CDH7: variants seen among roughly 807,000 people sequenced by gnomAD.
The protein encoded by CDH7 is cadherin 7, also known as cadherin-7.
Under a neutral mutation model 71.8 loss-of-function variants are expected in CDH7, and 25 were observed. The observed-to-expected ratio is 0.35, with a 90% CI of 0.25 to 0.49. CDH7 has a LOEUF of 0.49. Ranked by LOEUF, CDH7 falls within the 20% of genes least tolerant of loss-of-function variation. CDH7 has a pLI of 0.99. For synonymous variants in CDH7, 381 were observed against 363.8 expected (o/e 1.05, Z -0.54); for missense variants, 862 against 974.6 (o/e 0.88, Z 1.54).
chr18:65,861,417 A>T (rs868130700), intron 10 of CDH7, among the ~76,000 whole-genome samples: 17 of 114,876 alleles, frequency 1.5e-4, no homozygotes, highest in African/African-American at 1.1e-3. Flanking sequence ...AACTTTTTGT[A>T]TCAAGTCATA....
At chr18:65,801,053 T>C (rs1028871460) in intron 2 of CDH7, among the ~76,000 whole-genome samples, 8 of 152,188 alleles carry the variant, frequency 5.3e-5, no homozygotes, top group African/African-American at 1.9e-4. Context: ...AAAATTACAA[T>C]TATTTGTTCA....
In CDH7 at chr18:65,791,050, T is replaced by G. The variant is rs531907115; in HGVS notation, c.211-18654T>G. ...GGCTTTCAAAAATGTAAAAAGTGTT[T>G]AACTTAAAGATTTCGTGAATATTTT... is the stretch of plus-strand genomic sequence containing the variant. On this transcript the variant is annotated intron_variant, in intron 2 of 11. Transcript: ENST00000397968. Among the ~76,000 whole-genome samples, 4 of 152,348 alleles carry G rather than the reference T, an allele frequency of 2.6e-5. No homozygotes were observed. The East Asian group carries it at 7.7e-4, about 29-fold the overall frequency.
At chr18:65,763,568 T>C in intron 2 of CDH7, among the ~76,000 whole-genome samples, 1 of 150,726 alleles carries the variant, frequency 6.6e-6, no homozygotes, top group South Asian at 2.1e-4. Flanking sequence ...AACCCACTTT[T>C]CTTAGCAGTC....
chr18:65,824,048 C>A (rs1479175431), intron 5 of CDH7, among the ~76,000 whole-genome samples: 1 of 106,544 alleles, frequency 9.4e-6, no homozygotes, highest in Non-Finnish European at 2.1e-5. Flanking sequence ...TTTTTTTTTT[C>A]AGTTCAACTA....
chr18:65,778,549 T>TTTTTTTTTTA (rs1267851629), intron 2 of CDH7, among the ~76,000 whole-genome samples: 1 of 146,802 alleles, frequency 6.8e-6, no homozygotes, highest in African/African-American at 2.6e-5. Context: ...TTTTTTTTTT[T>TTTTTTTTTTA]ACATAAAAAT....
chr18:65,799,781 A>T (rs945503499), intron 2 of CDH7, among the ~76,000 whole-genome samples: 7 of 152,110 alleles, frequency 4.6e-5, no homozygotes, highest in Non-Finnish European at 1.0e-4. Context: ...ATACTCCCCA[A>T]ATTAGCTTCT....
chr18:65,793,122 CA>C (rs1910772579), intron 2 of CDH7, among the ~76,000 whole-genome samples: 1 of 152,078 alleles, frequency 6.6e-6, no homozygotes, highest in Non-Finnish European at 1.5e-5. Flanking sequence ...GTTTATGAAA[CA>C]TTTTTTTTCT....
At chr18:65,766,397 C>A (rs1477961343) in intron 2 of CDH7, among the ~76,000 whole-genome samples, 1 of 152,056 alleles carries the variant, frequency 6.6e-6, no homozygotes, top group Non-Finnish European at 1.5e-5. Flanking sequence ...TACTGAGTTG[C>A]TTTTTACATA....
chr18:65,767,158 C>T (rs1022365112), intron 2 of CDH7, among the ~76,000 whole-genome samples: 4 of 149,672 alleles, frequency 2.7e-5, no homozygotes, highest in African/African-American at 9.9e-5. Flanking sequence ...ATACCTATTA[C>T]CCCAGTAGAA....
intron 6 of CDH7, among the ~76,000 whole-genome samples, chr18:65,834,615 G>A (rs921850883): frequency 1.3e-5 from 2 of 152,178 alleles, no homozygotes; most frequent in Admixed American, 1.3e-4. Flanking sequence ...ATGAATAGAA[G>A]AAATTGCATA....
rs901599930 is a variant in CDH7, at chr18:65,888,225, G to A, written c.*7331G>A. On this transcript the variant is annotated 3_prime_UTR_variant, in exon 12 of 12. Transcript: ENST00000397968. ...TACTGTTTCAGAACTAACCAGCGAA[G>A]AGATGTATACAAAGTGTACTCTGAA... The A allele has an allele frequency of 1.8e-4, 27 of 152,130 alleles. No homozygotes were observed. The highest frequency in any genetic ancestry group is 6.3e-4 in the African/African-American group (26 of 41,416). The allele number at this position is 152,130 out of a possible 1,614,324, so 9.4% of individuals were successfully genotyped here.
intron 2 of CDH7, among the ~76,000 whole-genome samples, chr18:65,769,898 G>A (rs950646961): frequency 2.0e-5 from 3 of 152,116 alleles, no homozygotes; most frequent in Non-Finnish European, 4.4e-5. Flanking sequence ...TAATGATGTT[G>A]AATTTGATCC....
At chr18:65,830,007 T>C (rs997052767) in intron 6 of CDH7, among the ~76,000 whole-genome samples, 1 of 152,136 alleles carries the variant, frequency 6.6e-6, no homozygotes, top group Non-Finnish European at 1.5e-5. Flanking sequence ...CTTTCAAAGA[T>C]TTGAACATGC....
rs192373814 is a variant in CDH7 at position 65,844,724 on chromosome 18, A to G, written c.1235+659A>G. ...TTAGCAAATTTATAGTATGAGATCT[A>G]CATGTTTTTGTGTGTATGCATGTGT... On this transcript the variant is annotated intron_variant, in intron 7 of 11. Coordinates refer to ENST00000397968, the MANE Select transcript of CDH7 (RefSeq NM_004361.5). Among the ~76,000 whole-genome samples, 409 of 152,150 alleles carry G rather than the reference A, an allele frequency of 2.7e-3. 2 individuals are homozygous for G. The highest frequency in any genetic ancestry group is 0.018 in the South Asian group (85 of 4,826).
chr18:65,755,337 G>A (rs555978401), intron 1 of CDH7, among the ~76,000 whole-genome samples: 1 of 152,260 alleles, frequency 6.6e-6, no homozygotes, highest in Admixed American at 6.5e-5. Flanking sequence ...AACATCTATT[G>A]CAGCTCAAAC....
intron 2 of CDH7, among the ~76,000 whole-genome samples, chr18:65,802,223 G>A (rs1013176624): frequency 1.1e-4 from 17 of 152,242 alleles, no homozygotes; most frequent in Non-Finnish European, 2.4e-4. Context: ...GTGTTTTTGT[G>A]CACACATTTG....
intron 2 of CDH7, among the ~76,000 whole-genome samples, chr18:65,774,841 C>G (rs1035794240): frequency 6.6e-5 from 10 of 152,106 alleles, no homozygotes; most frequent in African/African-American, 2.4e-4. Context: ...TTAAAATCTT[C>G]CATAAAGCAA....
chr18:65,850,185 TATAA>T (rs1222322899), intron 7 of CDH7, among the ~76,000 whole-genome samples: 2 of 146,956 alleles, frequency 1.4e-5, no homozygotes, highest in African/African-American at 5.0e-5. Context: ...TATATATATA[TATAA>T]AATTAAATAC....
chr18:65,844,545 A>G (rs1912868590), intron 7 of CDH7, among the ~76,000 whole-genome samples: 1 of 152,026 alleles, frequency 6.6e-6, no homozygotes, highest in African/African-American at 2.4e-5. Context: ...AATTTTTTTA[A>G]AAAAACTAGC....
Sources: allele counts gnomAD v4.1 joint callset (sites outside exome capture counted in the v4.1 genomes callset), GRCh38; gene constraint gnomAD v4.1.1; transcripts MANE v1.5; gene names NCBI Gene and HGNC (gene_info 2026-07-23, HGNC 2026-07-21).